The following OSBPL9 variants were observed in gnomAD, a reference collection of about 807,000 sequenced individuals.
The protein encoded by OSBPL9 is oxysterol-binding protein-related protein 9.
In OSBPL9, 40 loss-of-function variants were observed where a neutral mutation model predicts 106.6. That is an observed-to-expected ratio of 0.38 (90% CI 0.29 to 0.49). The LOEUF is 0.49. OSBPL9 is among the 20% of genes least tolerant of loss of function. OSBPL9 has a pLI of 0.97. For missense variants in OSBPL9, 609 were observed against 887.2 expected, an observed-to-expected ratio of 0.69 and a Z score of 3.98; for synonymous variants, 269 against 295.4, an observed-to-expected ratio of 0.91 and a Z score of 0.92.
At chr1:51,711,515 A>AT (rs1659902927) in intron 3 of OSBPL9, among the ~76,000 whole-genome samples, 1 of 30,172 alleles carries the variant, frequency 3.3e-5, no homozygotes, top group Non-Finnish European at 6.3e-5. Flanking sequence ...CGGGGGGCTG[A>AT]CCCCCCACCT....
Position 51,778,122 on chromosome 1 carries a change from C to T in OSBPL9, c.1256+1204C>T, listed in dbSNP as rs114898045. ...GGGACTGTGAGCTATAATCACACCA[C>T]TGCAGCTTGGGTGACAGAGCAAGAC... On this transcript the variant is annotated intron_variant, in intron 15 of 23. Transcript: ENST00000428468. Among the ~76,000 whole-genome samples the T allele has an allele frequency of 6.7e-3, 1,025 of 152,192 alleles. 2 individuals carry two copies. The highest frequency in any genetic ancestry group is 0.011 in the Non-Finnish European group (718 of 67,998).
chr1:51,638,473 G>A (rs367850894), intron 1 of OSBPL9, among the ~76,000 whole-genome samples: 1 of 152,184 alleles, frequency 6.6e-6, no homozygotes, highest in Non-Finnish European at 1.5e-5. Context: ...CATTCTGGGT[G>A]TGGTGGCTCA....
intron 1 of OSBPL9, among the ~76,000 whole-genome samples, chr1:51,594,466 A>G (rs377042944): frequency 6.6e-6 from 1 of 152,066 alleles, no homozygotes; most frequent in East Asian, 1.9e-4. Context: ...AAATTTCACA[A>G]TCACAATCAA....
At chr1:51,715,796 C>T (rs755664578) in intron 4 of OSBPL9, among the ~76,000 whole-genome samples, 2 of 152,178 alleles carry the variant, frequency 1.3e-5, no homozygotes, top group Non-Finnish European at 2.9e-5. Flanking sequence ...CCTCCACATT[C>T]TTGTGTGTGA....
intron 1 of OSBPL9, among the ~76,000 whole-genome samples, chr1:51,581,459 T>C (rs565413939): frequency 4.6e-5 from 7 of 152,288 alleles, no homozygotes; most frequent in African/African-American, 1.7e-4. Flanking sequence ...CTTTCCATAC[T>C]GCACTCTTTA....
intron 12 of OSBPL9, among the ~76,000 whole-genome samples, chr1:51,770,790 A>G (rs1166516929): frequency 6.6e-6 from 1 of 152,218 alleles, no homozygotes; most frequent in Non-Finnish European, 1.5e-5. Context: ...AATATATTCT[A>G]ATTTTAGAAT....
At chr1:51,689,531 ATTC>A (rs1388774206) in intron 3 of OSBPL9, among the ~76,000 whole-genome samples, 3 of 152,120 alleles carry the variant, frequency 2.0e-5, no homozygotes, top group Non-Finnish European at 2.9e-5. Flanking sequence ...ACCTCCTGTC[ATTC>A]TTCTTTCTCT....
chr1:51,739,976 T>A (rs1666534671), intron 4 of OSBPL9, among the ~76,000 whole-genome samples: 1 of 151,974 alleles, frequency 6.6e-6, no homozygotes, highest in Non-Finnish European at 1.5e-5. Flanking sequence ...AAGGCCATTA[T>A]GTTTGGCATA....
upstream of OSBPL9, among the ~76,000 whole-genome samples, chr1:51,572,899 T>C (rs1645158956): frequency 6.6e-6 from 1 of 151,954 alleles, no homozygotes; most frequent in Non-Finnish European, 1.5e-5. Flanking sequence ...ACTAATTTTT[T>C]ATTTTAGGAA....
intron 3 of OSBPL9, among the ~76,000 whole-genome samples, chr1:51,695,457 C>T (rs1406779812): frequency 6.6e-6 from 1 of 152,198 alleles, no homozygotes; most frequent in African/African-American, 2.4e-5. Context: ...CCCTGATTTT[C>T]ACAGTGGAAC....
intron 1 of OSBPL9, among the ~76,000 whole-genome samples, chr1:51,584,925 T>G (rs780106228): frequency 1.3e-4 from 20 of 151,966 alleles, no homozygotes; most frequent in Non-Finnish European, 2.1e-4. Context: ...AAGGTGGGCA[T>G]TTGGGGTTAG....
intron 3 of OSBPL9, 137 bp downstream of exon 3, chr1:51,669,649 A>G (rs758668962): frequency 1.3e-6 from 1 of 791,866 alleles, no homozygotes; most frequent in Admixed American, 2.0e-5. Context: ...ATTCTGGATG[A>G]AGTGGTACTG....
At chr1:51,763,800 T>A (rs1335705241) in intron 11 of OSBPL9, among the ~76,000 whole-genome samples, 2 of 152,194 alleles carry the variant, frequency 1.3e-5, no homozygotes, top group Admixed American at 1.3e-4. Context: ...GTGTCACCTC[T>A]TCTTCATTTA....
intron 8 of OSBPL9, among the ~76,000 whole-genome samples, chr1:51,753,671 T>C (rs1197234276): frequency 3.3e-5 from 5 of 152,194 alleles, no homozygotes; most frequent in Non-Finnish European, 7.4e-5. Flanking sequence ...TGGGGCTGAT[T>C]AGTATCAGCT....
chr1:51,607,054 A>T (rs996795025), intron 2 of OSBPL9, among the ~76,000 whole-genome samples: 1 of 152,078 alleles, frequency 6.6e-6, no homozygotes, highest in African/African-American at 2.4e-5. Flanking sequence ...CATCTCAAAA[A>T]AAAAGAAAAA....
intron 1 of OSBPL9, among the ~76,000 whole-genome samples, chr1:51,580,291 C>T (rs1277019420): frequency 6.6e-6 from 1 of 152,136 alleles, no homozygotes; most frequent in Non-Finnish European, 1.5e-5. Context: ...TCTGTGTTCT[C>T]ATTTATAAAT....
rs747583649 is a variant in OSBPL9, at chr1:51,652,052, A to G, written c.162+11A>G. 1 of 1,583,136 alleles carries G rather than the reference A, an allele frequency of 6.3e-7. No individual in the cohort carries two copies. The highest frequency in any genetic ancestry group is 8.6e-7 in the Non-Finnish European group (1 of 1,161,536). ...TGTGTTAGACTCAGAGTGAGTATTT[A>G]TTCATTTTTATGAAAATCAATTTTG... is the stretch of plus-strand genomic sequence containing the variant. On this transcript the variant is annotated intron_variant, in intron 2 of 23. Transcript: ENST00000428468.
At chr1:51,719,806 G>A (rs1414059930) in intron 4 of OSBPL9, among the ~76,000 whole-genome samples, 4 of 152,270 alleles carry the variant, frequency 2.6e-5, no homozygotes, top group South Asian at 2.1e-4. Context: ...AAAATTTCAA[G>A]TTAAACATAA....
intron 3 of OSBPL9, among the ~76,000 whole-genome samples, chr1:51,691,586 A>T (rs1571108932): frequency 2.0e-5 from 3 of 151,794 alleles, no homozygotes; most frequent in South Asian, 4.2e-4. Context: ...GCACCCAGCC[A>T]TTAGCTTGCT....
Sources: gnomAD v4.1 joint callset for allele counts (sites outside exome capture counted in the v4.1 genomes callset) on GRCh38, gnomAD v4.1.1 for gene constraint, MANE v1.5 for transcripts, NCBI Gene and HGNC (gene_info 2026-07-23, HGNC 2026-07-21) for gene names.